Variants in MEGF10 observed in about 807,000 individuals in gnomAD.
MEGF10 encodes multiple epidermal growth factor-like domains protein 10.
Under a neutral mutation model 147.5 loss-of-function variants are expected in MEGF10, and 86 were observed. That is an observed-to-expected ratio of 0.58 (90% confidence interval 0.49 to 0.70). MEGF10 has a LOEUF of 0.70. MEGF10 is among the 30% of genes least tolerant of loss of function. MEGF10 has a pLI of 0.00. For missense variants in MEGF10, 1,329 were observed against 1,487.3 expected, an observed-to-expected ratio of 0.89 and a Z score of 1.75; for synonymous variants, 478 against 525.5, an observed-to-expected ratio of 0.91 and a Z score of 1.24.
At chr5:127,386,477 C>T (rs1287409124) in intron 5 of MEGF10, among the ~76,000 whole-genome samples, 1 of 152,134 alleles carries the variant, frequency 6.6e-6, no homozygotes. Flanking sequence ...ATATACAAGC[C>T]TACACTTCTG....
At chr5:127,239,416 C>T in the MEGF10 span, among the ~76,000 whole-genome samples, 1 of 133,520 alleles carries the variant, frequency 7.5e-6, no homozygotes, top group Non-Finnish European at 1.6e-5. Flanking sequence ...CACACACACA[C>T]GGGAGAGAGA....
intron 1 of MEGF10, among the ~76,000 whole-genome samples, chr5:127,300,871 A>G (rs936303419): frequency 6.6e-6 from 1 of 152,180 alleles, no homozygotes; most frequent in African/African-American, 2.4e-5. Flanking sequence ...TAAGAGATCA[A>G]TAGTGTTAGC....
chr5:127,410,346 C>T, intron 8 of MEGF10, 43 bp from the exon 9 acceptor site: 1 of 1,572,166 alleles, frequency 6.4e-7, no homozygotes, highest in African/African-American at 1.3e-5. Flanking sequence ...TTTCACATGG[C>T]ACTAACTAAT....
chr5:127,262,297 A>G, the MEGF10 span, among the ~76,000 whole-genome samples: 31 of 152,282 alleles, frequency 2.0e-4, no homozygotes, highest in African/African-American at 6.5e-4. Flanking sequence ...GTATGATGGA[A>G]GGAAGGGGTC....
rs551206322 is a variant in MEGF10 at position 127,395,679 on chromosome 5, G to A, written c.413-853G>A. 2.8e-4 allele frequency among the ~76,000 whole-genome samples: 42 copies of A among 151,476 alleles called. No individual in the cohort carries two copies. In the South Asian group the frequency reaches 7.8e-3, roughly 28 times the overall value. The stretch of plus-strand genomic sequence containing the variant: ...CCTGCCTCAGCCTCCCGAGTAGCTG[G>A]GACTACAGGCGCCCGCCACCATGCC... On this transcript the variant is annotated intron_variant, in intron 5 of 24. Transcript: ENST00000503335.
intron 10 of MEGF10, among the ~76,000 whole-genome samples, chr5:127,418,059 A>G (rs1477774410): frequency 2.6e-5 from 4 of 152,216 alleles, no homozygotes; most frequent in Non-Finnish European, 5.9e-5. Flanking sequence ...CATGTCAGAA[A>G]GCATATTATA....
Position 127,454,626 on chromosome 5 carries a change from G to C in MEGF10, c.3025+16G>C, listed in dbSNP as rs375563689. On this transcript the variant is annotated intron_variant, in intron 23 of 24. Transcript: ENST00000503335. The stretch of plus-strand genomic sequence containing the variant: ...TCCTTAAAAGGTATCATGTAAATTT[G>C]AAGAAGAAATCAGAAGCACAATTAA... 1 of 1,599,086 alleles carries C rather than the reference G, an allele frequency of 6.3e-7. No homozygotes were observed. The highest frequency in any genetic ancestry group is 8.5e-7 in the Non-Finnish European group (1 of 1,174,318).
the MEGF10 span, among the ~76,000 whole-genome samples, chr5:127,263,438 T>A: frequency 3.3e-5 from 5 of 152,150 alleles, no homozygotes; most frequent in Admixed American, 6.6e-5. Flanking sequence ...TTTACAATTG[T>A]ATTTTATAAT....
chr5:127,420,465 C>G (rs1203462763), intron 12 of MEGF10, among the ~76,000 whole-genome samples: 1 of 151,910 alleles, frequency 6.6e-6, no homozygotes, highest in Non-Finnish European at 1.5e-5. Context: ...CAACCCCCAC[C>G]CTTTACTTTC....
intron 5 of MEGF10, among the ~76,000 whole-genome samples, chr5:127,380,971 A>G (rs549150965): frequency 6.6e-6 from 1 of 152,212 alleles, no homozygotes; most frequent in Non-Finnish European, 1.5e-5. Flanking sequence ...TCAAGAGAGA[A>G]AAAATTATAA....
At chr5:127,424,212 T>C in intron 13 of MEGF10, 1 of 616,120 alleles carries the variant, frequency 1.6e-6, no homozygotes, top group Non-Finnish European at 2.9e-6. Flanking sequence ...CTGGACTCCG[T>C]ATTTCATTTC....
In MEGF10 at chr5:127,396,595, T is replaced by C. The variant is rs2126921767; in HGVS notation, c.476T>C (p.Leu159Pro). 1 of 1,606,822 alleles carries C rather than the reference T, an allele frequency of 6.2e-7. No homozygotes were observed. Among genetic ancestry groups the C allele is most frequent in the Non-Finnish European group, 8.5e-7 (1 of 1,175,048 alleles). The change falls in exon 6 of 25, where the codon CTG becomes CCG. Residue 159 changes from leucine to proline, a missense_variant. Transcript: ENST00000503335. Reference sequence around the variant, plus strand: ...CGGTGCCAGTGCAAAAATGGGGCTCTGTGCAACCCCATCACCGGGGCTTGC... The same window carrying C: ...CGGTGCCAGTGCAAAAATGGGGCTCCGTGCAACCCCATCACCGGGGCTTGC... ...TSRCQCKNGALCNPITGACHC... is the reference protein window; with the variant it reads ...TSRCQCKNGAPCNPITGACHC...
At chr5:127,454,752 C>G (rs1385308868) in intron 23 of MEGF10, 142 bp downstream of exon 23, 3 of 672,082 alleles carry the variant, frequency 4.5e-6, no homozygotes, top group Non-Finnish European at 7.3e-6. Flanking sequence ...AGCAAACACA[C>G]AAACATGTGT....
intron 23 of MEGF10, among the ~76,000 whole-genome samples, chr5:127,455,056 C>T (rs1238040333): frequency 6.6e-6 from 1 of 152,112 alleles, no homozygotes; most frequent in Non-Finnish European, 1.5e-5. Flanking sequence ...TAATAGAGCC[C>T]TCTTGGTGCT....
At chr5:127,419,815 G>A (rs1385141103) in intron 11 of MEGF10, among the ~76,000 whole-genome samples, 1 of 152,164 alleles carries the variant, frequency 6.6e-6, no homozygotes, top group Non-Finnish European at 1.5e-5. Flanking sequence ...AGTATGCAGT[G>A]CTGGCATCCT....
chr5:127,441,117 CT>C (rs1188582680), intron 18 of MEGF10, among the ~76,000 whole-genome samples: 8 of 152,216 alleles, frequency 5.3e-5, no homozygotes, highest in Admixed American at 2.6e-4. Flanking sequence ...GTTTTCCATT[CT>C]GTTCTTTTGG....
chr5:127,356,205 A>G (rs1249734914), intron 4 of MEGF10, among the ~76,000 whole-genome samples: 1 of 152,242 alleles, frequency 6.6e-6, no homozygotes, highest in Non-Finnish European at 1.5e-5. Flanking sequence ...TTAGTCTGGT[A>G]TAGCGCCGGC....
At position 127,420,189 on chromosome 5, in the gene MEGF10, A is replaced by G. The variant is rs528469682; in HGVS notation, c.1572A>G (p.Lys524=). Residue 524 remains lysine (K), a synonymous_variant, in exon 12 of 25, where the codon AAA becomes AAG. Coordinates refer to ENST00000503335, the MANE Select transcript of MEGF10 (RefSeq NM_001256545.2). ...GTGCACCTGGATGGCGCGGGGAGAA[A>G]TGCGAACTTCCCTGCCAGGTATGCA... ...CTCAPGWRGE[K]CELPCQDGTY... is the part of the protein sequence containing the mutation. 6.2e-7 allele frequency: 1 copy of G among 1,614,112 alleles called. No homozygotes were observed. Among genetic ancestry groups the G allele is most frequent in the South Asian group, 1.1e-5 (1 of 91,070 alleles).
chr5:127,449,295 T>A, intron 22 of MEGF10, 73 bp downstream of exon 22: 2 of 1,587,110 alleles, frequency 1.3e-6, no homozygotes, highest in Non-Finnish European at 1.7e-6. Flanking sequence ...GGATCTCTGT[T>A]TGTGCCAAGG....
Sources: gnomAD v4.1 joint callset for allele counts (sites outside exome capture counted in the v4.1 genomes callset) on GRCh38, gnomAD v4.1.1 for gene constraint, MANE v1.5 for transcripts, NCBI Gene and HGNC (gene_info 2026-07-23, HGNC 2026-07-21) for gene names.